Variants in LRMDA observed in about 807,000 individuals in gnomAD.
LRMDA encodes leucine rich melanocyte differentiation associated, also known as leucine-rich melanocyte differentiation-associated protein.
Under a neutral mutation model 29.8 loss-of-function variants are expected in LRMDA, and 18 were observed. The ratio of observed to expected loss-of-function variants is 0.60; its 90% CI spans 0.42 to 0.90. The LOEUF (loss-of-function observed/expected upper bound fraction) is 0.90. Ranked by LOEUF, LRMDA falls within the 40% of genes least tolerant of loss-of-function variation. The pLI, the probability that LRMDA is intolerant of heterozygous loss-of-function variation, is 0.00. For synonymous variants in LRMDA, 125 were observed against 109.4 expected, an observed-to-expected ratio of 1.14 and a Z score of -0.89; for missense variants, 273 against 273.9, an observed-to-expected ratio of 1.00 and a Z score of 0.02.
At chr10:75,743,873 T>G (rs1842860429) in intron 2 of LRMDA, 1 of 152,194 alleles carries the variant, frequency 6.6e-6, no homozygotes, top group South Asian at 2.1e-4. Context: ...ATGAAAACTG[T>G]GGCCAGCTTT....
chr10:75,742,025 C>T (rs919050531), intron 2 of LRMDA, among the ~76,000 whole-genome samples: 1 of 152,212 alleles, frequency 6.6e-6, no homozygotes, highest in African/African-American at 2.4e-5. Flanking sequence ...GCCATGCCGG[C>T]ACCCTGACTA....
At chr10:75,770,141 A>T (rs1040755859) in intron 2 of LRMDA, among the ~76,000 whole-genome samples, 3 of 151,750 alleles carry the variant, frequency 2.0e-5, no homozygotes, top group Non-Finnish European at 2.9e-5. Flanking sequence ...AAATAAAAAA[A>T]TTAGCTGGAC....
intron 5 of LRMDA, among the ~76,000 whole-genome samples, chr10:76,286,048 C>T (rs546479200): frequency 2.0e-5 from 3 of 152,254 alleles, no homozygotes; most frequent in East Asian, 3.9e-4. Flanking sequence ...ATTGGGGAAG[C>T]AGTGTGGGTG....
At chr10:75,825,044 G>A (rs1308633609) in intron 2 of LRMDA, among the ~76,000 whole-genome samples, 7 of 152,218 alleles carry the variant, frequency 4.6e-5, no homozygotes, top group Admixed American at 3.3e-4. Context: ...ATCAGCTGAC[G>A]CCATAAGCTT....
chr10:76,420,169 T>C (rs1437481543), intron 6 of LRMDA, among the ~76,000 whole-genome samples: 2 of 152,028 alleles, frequency 1.3e-5, no homozygotes, highest in African/African-American at 4.8e-5. Context: ...GAAAAATTCA[T>C]GGCTAAACTG....
intron 2 of LRMDA, among the ~76,000 whole-genome samples, chr10:75,743,247 C>T (rs1842851419): frequency 6.6e-6 from 1 of 152,134 alleles, no homozygotes; most frequent in Admixed American, 6.5e-5. Context: ...TCCAACCTGA[C>T]CTTCCCCTCA....
chr10:75,638,986 A>C (rs1280846086), intron 2 of LRMDA, among the ~76,000 whole-genome samples: 1 of 152,224 alleles, frequency 6.6e-6, no homozygotes, highest in African/African-American at 2.4e-5. Flanking sequence ...AAATTTAACT[A>C]GGTTGCATTT....
At chr10:76,127,692 A>T (rs916703055) in intron 5 of LRMDA, among the ~76,000 whole-genome samples, 5 of 152,152 alleles carry the variant, frequency 3.3e-5, no homozygotes, top group Non-Finnish European at 5.9e-5. Flanking sequence ...AGGAAAAAAA[A>T]AATCATAAAA....
chr10:75,606,446 G>A lies in LRMDA; in HGVS notation c.131+167952G>A, dbSNP rs76406606. Among the ~76,000 whole-genome samples the A allele has an allele frequency of 2.5e-3, 381 of 152,246 alleles. 5 individuals carry two copies. The highest frequency in any genetic ancestry group is 9.1e-3 in the African/African-American group (377 of 41,536). On this transcript the variant is annotated intron_variant, in intron 2 of 6. Coordinates refer to ENST00000611255, the MANE Select transcript of LRMDA (RefSeq NM_001305581.2). ...TAAGTGGGCTATTTTTAGAACCGAG[G>A]TTCTATTTTCTCACTGACTCCCAGT...
At chr10:76,119,780 T>C (rs1355579962) in intron 5 of LRMDA, among the ~76,000 whole-genome samples, 5 of 152,208 alleles carry the variant, frequency 3.3e-5, no homozygotes, top group African/African-American at 4.8e-5. Flanking sequence ...CCAAAATGCA[T>C]GTCCCAGTTT....
chr10:76,427,780 C>A (rs965744934), intron 6 of LRMDA, among the ~76,000 whole-genome samples: 6 of 152,156 alleles, frequency 3.9e-5, no homozygotes, highest in Non-Finnish European at 7.3e-5. Flanking sequence ...TAAGTCCCAT[C>A]AATACCTAAT....
intron 5 of LRMDA, among the ~76,000 whole-genome samples, chr10:76,323,872 G>A (rs73290706): frequency 0.012 from 1,790 of 152,284 alleles, 32 homozygotes; most frequent in African/African-American, 0.04. Flanking sequence ...TTGTTAAACT[G>A]AGCCAGAATC....
intron 2 of LRMDA, among the ~76,000 whole-genome samples, chr10:75,771,396 A>T (rs926774082): frequency 6.6e-6 from 1 of 152,088 alleles, no homozygotes; most frequent in Non-Finnish European, 1.5e-5. Flanking sequence ...ATTGCAAGAG[A>T]GGACATTTAT....
intron 6 of LRMDA, among the ~76,000 whole-genome samples, chr10:76,514,916 C>T (rs556619125): frequency 6.6e-6 from 1 of 152,284 alleles, no homozygotes; most frequent in South Asian, 2.1e-4. Flanking sequence ...ACTACTACCT[C>T]TACCTGCACA....
At chr10:75,696,611 T>C (rs1460652035) in intron 2 of LRMDA, among the ~76,000 whole-genome samples, 4 of 152,316 alleles carry the variant, frequency 2.6e-5, no homozygotes, top group East Asian at 1.9e-4. Context: ...TTGAGTATAA[T>C]AATTGAGCAG....
chr10:75,532,293 T>C (rs1197255454), intron 2 of LRMDA, among the ~76,000 whole-genome samples: 1 of 152,156 alleles, frequency 6.6e-6, no homozygotes, highest in Non-Finnish European at 1.5e-5. Flanking sequence ...GGTTGCCAGA[T>C]TCCATCATGG....
chr10:75,738,355 T>A (rs916055116), intron 2 of LRMDA, among the ~76,000 whole-genome samples: 11 of 152,224 alleles, frequency 7.2e-5, no homozygotes, highest in South Asian at 2.1e-4. Flanking sequence ...CTGCCACTCT[T>A]TGGTTTCACA....
chr10:75,788,994 CA>C (rs1843521579), intron 2 of LRMDA, among the ~76,000 whole-genome samples: 1 of 152,226 alleles, frequency 6.6e-6, no homozygotes, highest in South Asian at 2.1e-4. Context: ...TTTGCTAGGT[CA>C]AAGGGTATGT....
intron 2 of LRMDA, among the ~76,000 whole-genome samples, chr10:75,791,856 CTTT>C (rs5786188): frequency 7.8e-5 from 8 of 102,062 alleles, no homozygotes; most frequent in East Asian, 6.0e-4. Flanking sequence ...ATTCCAGGAT[CTTT>C]TTTTTTTTTT....
Sources: gnomAD v4.1 joint callset for allele counts (sites outside exome capture counted in the v4.1 genomes callset) on GRCh38, gnomAD v4.1.1 for gene constraint, MANE v1.5 for transcripts, NCBI Gene and HGNC (gene_info 2026-07-23, HGNC 2026-07-21) for gene names.